Variants in TMEM131L observed in about 807,000 individuals in gnomAD.
The protein encoded by TMEM131L is transmembrane protein 131-like.
Under a neutral mutation model 192.2 loss-of-function variants are expected in TMEM131L, and 54 were observed. That is an observed-to-expected ratio of 0.28 (90% CI 0.23 to 0.35). The LOEUF (loss-of-function observed/expected upper bound fraction) is 0.35, where lower values mean the gene tolerates loss of function less well. Among genes scored for constraint, TMEM131L ranks in the 10% least tolerant of loss-of-function variants. TMEM131L has a pLI of 1.00. For missense variants in TMEM131L, 1,888 were observed against 1,972.9 expected, an observed-to-expected ratio of 0.96 and a Z score of 0.82; for synonymous variants, 701 against 704.9, an observed-to-expected ratio of 0.99 and a Z score of 0.09.
At chr4:153,529,939 G>A (rs1195243612) in intron 3 of TMEM131L, among the ~76,000 whole-genome samples, 1 of 152,032 alleles carries the variant, frequency 6.6e-6, no homozygotes, top group Non-Finnish European at 1.5e-5. Context: ...ATGCTTTAAG[G>A]ACCATCATTA....
At chr4:153,484,614 G>T (rs1436846550) in intron 3 of TMEM131L, among the ~76,000 whole-genome samples, 1 of 149,848 alleles carries the variant, frequency 6.7e-6, no homozygotes, top group Non-Finnish European at 1.5e-5. Context: ...GAATACAGGC[G>T]CCCGCCACCA....
intron 3 of TMEM131L, among the ~76,000 whole-genome samples, chr4:153,475,507 A>G (rs1219868872): frequency 1.3e-5 from 2 of 152,216 alleles, no homozygotes; most frequent in Non-Finnish European, 2.9e-5. Flanking sequence ...GTTGGGGGGA[A>G]AATAGCTCTG....
intron 19 of TMEM131L, among the ~76,000 whole-genome samples, chr4:153,595,421 T>G (rs1264888551): frequency 1.3e-5 from 2 of 151,666 alleles, no homozygotes; most frequent in Non-Finnish European, 2.9e-5. Context: ...GGTTTCTTCC[T>G]TCATGGAGTT....
chr4:153,529,771 C>A lies in TMEM131L; in HGVS notation c.240-20302C>A, dbSNP rs183294866. On this transcript the variant is annotated intron_variant, in intron 3 of 34. Coordinates refer to ENST00000409959, the MANE Select transcript of TMEM131L (RefSeq NM_001131007.2). ...ACACCTCCCTTTTTCTCCCCTACCC[C>A]CTTCACATAACCTGTGGGAGATTTT... Among the ~76,000 whole-genome samples, 38 of 152,342 alleles carry A rather than the reference C, an allele frequency of 2.5e-4. No individual in the cohort carries two copies. The East Asian group carries it at 4.6e-3, about 19-fold the overall frequency.
At chr4:153,477,792 AT>A (rs1443040120) in intron 3 of TMEM131L, among the ~76,000 whole-genome samples, 1 of 152,000 alleles carries the variant, frequency 6.6e-6, no homozygotes, top group East Asian at 1.9e-4. Flanking sequence ...TACTGGCTTT[AT>A]TTATTTTTTG....
At chr4:153,598,567 A>AT (rs754309037) in intron 20 of TMEM131L, 23 bp from the exon 21 acceptor site, 65 of 1,603,116 alleles carry the variant, frequency 4.1e-5, no homozygotes, top group Non-Finnish European at 5.0e-5. Context: ...ATGCCTTTTT[A>AT]TATCTATTTC....
rs146194968 is a variant in TMEM131L at position 153,548,521 on chromosome 4, C to T, written c.240-1552C>T. 5.3e-3 allele frequency among the ~76,000 whole-genome samples: 811 copies of T among 152,198 alleles called. 8 individuals carry two copies. Among genetic ancestry groups the T allele is most frequent in the African/African-American group, 0.018 (763 of 41,536 alleles). Reference sequence around the variant, plus strand: ...GGTTTCACTGTGTTAGCCAGGATAGCCTTGATCTCCTGACCTTGTGATCTG... The same window carrying T: ...GGTTTCACTGTGTTAGCCAGGATAGTCTTGATCTCCTGACCTTGTGATCTG... On this transcript the variant is annotated intron_variant, in intron 3 of 34. Transcript: ENST00000409959.
At chr4:153,613,902 C>A (rs772091477) in intron 26 of TMEM131L, among the ~76,000 whole-genome samples, 25 of 151,960 alleles carry the variant, frequency 1.6e-4, no homozygotes, top group Non-Finnish European at 3.1e-4. Flanking sequence ...AGAAATGATA[C>A]AAAATAAGTA....
chr4:153,621,994 T>TC, intron 28 of TMEM131L, 145 bp downstream of exon 28: 1 of 802,804 alleles, frequency 1.2e-6, no homozygotes, highest in South Asian at 1.8e-5. Flanking sequence ...TGGAAAGCTT[T>TC]CAGGGTGAGA....
intron 3 of TMEM131L, among the ~76,000 whole-genome samples, chr4:153,480,517 CAAAAAAAAAAAAAAAA>C (rs1157080931): frequency 2.0e-5 from 1 of 50,784 alleles, no homozygotes; most frequent in Admixed American, 2.3e-4. Flanking sequence ...GACTCCATCT[CAAAAAAAAAAAAAAAA>C]AAAAAAGGAA....
At position 153,589,024 on chromosome 4, in the gene TMEM131L, T is replaced by G. The variant is rs756067190; in HGVS notation, c.1670+17T>G. 8.3e-6 allele frequency: 11 copies of G among 1,319,958 alleles called. No homozygotes were observed. In the South Asian group the frequency reaches 1.2e-4, roughly 14 times the overall value. 81.8% of individuals were successfully genotyped at this position (1,319,958 alleles called of 1,614,324 possible). On this transcript the variant is annotated intron_variant, in intron 16 of 34. Transcript: ENST00000409959. Reference sequence around the variant, plus strand: ...CGTCTGCAAGTACGTCTCCACTGTCTTCTTTTTTGTTCGGTGGTGGGGAGA... The same window carrying G: ...CGTCTGCAAGTACGTCTCCACTGTCGTCTTTTTTGTTCGGTGGTGGGGAGA...
intron 14 of TMEM131L, 44 bp downstream of exon 14, chr4:153,586,423 AC>A (rs1212731295): frequency 7.0e-7 from 1 of 1,432,742 alleles, no homozygotes. Context: ...TTTCTTAATT[AC>A]TGTTGCTTTT....
chr4:153,500,057 C>T (rs949245931), intron 3 of TMEM131L, among the ~76,000 whole-genome samples: 2 of 150,190 alleles, frequency 1.3e-5, no homozygotes, highest in African/African-American at 2.4e-5. Context: ...TCCTCCCTTC[C>T]GTTCCCTTCC....
rs9991954 is a variant in TMEM131L, at chr4:153,470,972, C to T, written c.196-2873C>T. Among the ~76,000 whole-genome samples the T allele has an allele frequency of 5.3e-3, 801 of 149,894 alleles. 3 individuals are homozygous for T. Among genetic ancestry groups the T allele is most frequent in the African/African-American group, 0.019 (766 of 40,222 alleles). ...CTCTTTGAGTTTCTTGTAGTGCCTTCGGTTTTTTTTGTTTGTTTTCTTTTT... is the reference window on the plus strand; with the variant it reads ...CTCTTTGAGTTTCTTGTAGTGCCTTTGGTTTTTTTTGTTTGTTTTCTTTTT... On this transcript the variant is annotated intron_variant, in intron 2 of 34. Transcript: ENST00000409959.
At chr4:153,499,429 ATTTT>A (rs11334807) in intron 3 of TMEM131L, among the ~76,000 whole-genome samples, 2 of 140,630 alleles carry the variant, frequency 1.4e-5, no homozygotes, top group African/African-American at 5.3e-5. Context: ...GATCTTTATG[ATTTT>A]TTTTTTTTTT....
At position 153,582,126 on chromosome 4, in the gene TMEM131L, A is replaced by G. The variant is rs77102592; in HGVS notation, c.892+566A>G. On this transcript the variant is annotated intron_variant, in intron 9 of 34. Transcript: ENST00000409959. The stretch of plus-strand genomic sequence containing the variant: ...CTGTGATCCATGAAATTCCTAACGT[A>G]GAGTATACTAGTATCTTTTGGTTAT... 1.5e-4 allele frequency among the ~76,000 whole-genome samples: 23 copies of G among 152,356 alleles called. No individual in the cohort carries two copies. In the East Asian group the frequency reaches 4.2e-3, roughly 28 times the overall value.
chr4:153,527,656 A>C (rs1488461752), intron 3 of TMEM131L, among the ~76,000 whole-genome samples: 4 of 152,128 alleles, frequency 2.6e-5, no homozygotes, highest in African/African-American at 7.2e-5. Context: ...GCCCTGATTT[A>C]ATGTTTACTT....
At chr4:153,567,506 G>A (rs1328327981) in intron 7 of TMEM131L, among the ~76,000 whole-genome samples, 2 of 151,316 alleles carry the variant, frequency 1.3e-5, no homozygotes, top group African/African-American at 4.9e-5. Context: ...TGAAAGTTTA[G>A]TAAGTGAAGC....
At position 153,603,316 on chromosome 4, in the gene TMEM131L, G is replaced by T. The variant is rs78146597; in HGVS notation, c.2653G>T (p.Gly885Cys). 3 of 1,613,474 alleles carry T rather than the reference G, an allele frequency of 1.9e-6. No individual in the cohort carries two copies. Among genetic ancestry groups the T allele is most frequent in the Non-Finnish European group, 2.5e-6 (3 of 1,179,768 alleles). Residue 885 changes from glycine to cysteine, a missense_variant, in exon 24 of 35, where the codon GGT becomes TGT. By Grantham distance (159) the Gly-to-Cys change is radical. Coordinates refer to ENST00000409959, the MANE Select transcript of TMEM131L (RefSeq NM_001131007.2). Reference sequence around the variant, plus strand: ...TTTCTTCCTCAGTTTGTCCCTGTTGGGTGTGATTTTAATAGCCTTCCAACA... The same window carrying T: ...TTTCTTCCTCAGTTTGTCCCTGTTGTGTGTGATTTTAATAGCCTTCCAACA... ...TVFFVSLSLL[G>C]VILIAFQQAQ... is the part of the protein sequence containing the mutation.
Sources: gnomAD v4.1 joint callset for allele counts (sites outside exome capture counted in the v4.1 genomes callset) on GRCh38, gnomAD v4.1.1 for gene constraint, MANE v1.5 for transcripts, NCBI Gene and HGNC (gene_info 2026-07-23, HGNC 2026-07-21) for gene names.